ZNF516: variants seen among roughly 807,000 people sequenced by gnomAD.
ZNF516 encodes zinc finger protein 516.
ZNF516 carries 19 observed loss-of-function variants against 79.7 expected under a neutral mutation model. The ratio of observed to expected loss-of-function variants is 0.24; its 90% CI spans 0.17 to 0.35. ZNF516 has a LOEUF of 0.35. Among genes scored for constraint, ZNF516 ranks in the 10% least tolerant of loss-of-function variants. ZNF516 has a pLI of 1.00. For synonymous variants in ZNF516, 877 were observed against 739.5 expected, an observed-to-expected ratio of 1.19 and a Z score of -3.02; for missense variants, 1,678 against 1,679.5, an observed-to-expected ratio of 1.00 and a Z score of 0.02.
chr18:76,416,472 GT>G (rs1376091082), intron 3 of ZNF516, among the ~76,000 whole-genome samples: 1 of 152,238 alleles, frequency 6.6e-6, no homozygotes, highest in Non-Finnish European at 1.5e-5. Flanking sequence ...CAAACTTACT[GT>G]TTGGGGGTTT....
At chr18:76,490,192 C>T (rs1915083263) in intron 1 of ZNF516, 2 of 985,254 alleles carry the variant, frequency 2.0e-6, no homozygotes, top group Admixed American at 1.2e-4. Context: ...GGGGTCACTC[C>T]TGTGAAATTA....
intron 6 of ZNF516, among the ~76,000 whole-genome samples, chr18:76,364,417 C>G (rs2074583757): frequency 6.6e-6 from 1 of 152,196 alleles, no homozygotes. Context: ...TTTGAGCACG[C>G]CCACCATCGC....
intron 1 of ZNF516, among the ~76,000 whole-genome samples, chr18:76,471,305 T>G (rs1913822185): frequency 6.6e-6 from 1 of 151,994 alleles, no homozygotes; most frequent in African/African-American, 2.4e-5. Context: ...CCTTACTTTC[T>G]TCCCGAAAAA....
intron 3 of ZNF516, among the ~76,000 whole-genome samples, chr18:76,429,220 A>C (rs1370114284): frequency 6.6e-6 from 1 of 152,232 alleles, no homozygotes; most frequent in Non-Finnish European, 1.5e-5. Flanking sequence ...GATGGCACCC[A>C]GGGCCAAGGG....
At position 76,443,005 on chromosome 18, in the gene ZNF516, G is replaced by T; in HGVS notation, c.50C>A (p.Pro17His). 1 of 1,601,426 alleles carries T rather than the reference G, an allele frequency of 6.2e-7. No homozygotes were observed. The change falls in exon 3 of 7, where the codon CCC (proline) becomes CAC (histidine). Residue 17 changes from proline (P) to histidine (H), a missense_variant. Physicochemically the swap from Pro to His is moderately conservative, Grantham distance 77. Coordinates refer to ENST00000443185, the MANE Select transcript of ZNF516 (RefSeq NM_014643.4). ...CTCGTGGCCCCGGCCGGCCCTGGTG[G>T]GGCTGGGGCCTCGCCTCAGCTCCAT... ...AEMELRRGPSPTRAGRGHEVD... is the reference protein window; with the variant it reads ...AEMELRRGPSHTRAGRGHEVD...
chr18:76,430,777 T>C (rs1271728679), intron 3 of ZNF516, among the ~76,000 whole-genome samples: 2 of 152,260 alleles, frequency 1.3e-5, no homozygotes, highest in African/African-American at 4.8e-5. Flanking sequence ...AGAAAGAACA[T>C]GAGTAACACT....
intron 4 of ZNF516, among the ~76,000 whole-genome samples, chr18:76,375,149 C>T (rs8089116): frequency 0.03 from 4,501 of 152,306 alleles, 89 homozygotes; most frequent in Non-Finnish European, 0.047. Context: ...GTTCTGTTCA[C>T]CTTTCCAATA....
intron 1 of ZNF516, chr18:76,492,252 T>A: frequency 1.0e-6 from 1 of 985,440 alleles, no homozygotes; most frequent in Non-Finnish European, 1.2e-6. Context: ...TCGGCTCAGG[T>A]CGGGTCCGTA....
At chr18:76,368,186 G>A (rs1010282192) in intron 6 of ZNF516, among the ~76,000 whole-genome samples, 2 of 152,024 alleles carry the variant, frequency 1.3e-5, no homozygotes, top group Non-Finnish European at 2.9e-5. Context: ...TAAACAATGA[G>A]AATTATAGGA....
chr18:76,481,347 G>A (rs1311316654), intron 1 of ZNF516, among the ~76,000 whole-genome samples: 1 of 152,212 alleles, frequency 6.6e-6, no homozygotes, highest in African/African-American at 2.4e-5. Context: ...CAGACAGCCT[G>A]TCCCAACCCC....
At chr18:76,377,457 TC>T (rs1370994667) in intron 4 of ZNF516, among the ~76,000 whole-genome samples, 6 of 152,334 alleles carry the variant, frequency 3.9e-5, no homozygotes, top group Admixed American at 3.9e-4. Context: ...TGGGTGGGCA[TC>T]CCTCATGCCA....
upstream of ZNF516, chr18:76,496,236 G>A: frequency 8.0e-7 from 1 of 1,254,882 alleles, no homozygotes; most frequent in Non-Finnish European, 1.0e-6. Flanking sequence ...TAGACCCGGG[G>A]AGCTGCGGCC....
intron 1 of ZNF516, among the ~76,000 whole-genome samples, chr18:76,486,873 G>A (rs909582020): frequency 6.6e-6 from 1 of 152,036 alleles, no homozygotes; most frequent in African/African-American, 2.4e-5. Context: ...ACCAAGGTTC[G>A]GGGGGAAGGT....
intron 3 of ZNF516, among the ~76,000 whole-genome samples, chr18:76,434,151 C>T (rs1447179215): frequency 2.7e-5 from 4 of 147,540 alleles, no homozygotes; most frequent in African/African-American, 7.3e-5. Context: ...CCCTATCTCA[C>T]GGGAACGGGG....
intron 3 of ZNF516, among the ~76,000 whole-genome samples, chr18:76,433,940 T>C (rs1404964891): frequency 1.3e-5 from 2 of 151,964 alleles, no homozygotes; most frequent in East Asian, 3.9e-4. Flanking sequence ...GCATCACACC[T>C]CTCCTGGCCG....
intron 3 of ZNF516, chr18:76,386,274 T>TGCACAGTTG (rs1372169766): frequency 6.6e-6 from 1 of 152,078 alleles, no homozygotes; most frequent in East Asian, 1.9e-4. Flanking sequence ...AGGTCCCCAC[T>TGCACAGTTG]CTGCACAGTT....
At chr18:76,450,583 G>A (rs1912346432) in intron 2 of ZNF516, among the ~76,000 whole-genome samples, 1 of 152,118 alleles carries the variant, frequency 6.6e-6, no homozygotes, top group South Asian at 2.1e-4. Flanking sequence ...CAGTTGCAAA[G>A]CCTTCTGTGG....
At chr18:76,385,627 C>T (rs2074975608) in intron 3 of ZNF516, 1 of 152,248 alleles carries the variant, frequency 6.6e-6, no homozygotes, top group Admixed American at 6.5e-5. Context: ...CACATTTGTG[C>T]CTCTTTTCTT....
At chr18:76,484,907 T>G (rs1568330796) in intron 1 of ZNF516, among the ~76,000 whole-genome samples, 1 of 152,238 alleles carries the variant, frequency 6.6e-6, no homozygotes. Flanking sequence ...CAGATTCTGC[T>G]TTTCTGTCAC....
Sources: gnomAD v4.1 joint callset for allele counts (sites outside exome capture counted in the v4.1 genomes callset) on GRCh38, gnomAD v4.1.1 for gene constraint, MANE v1.5 for transcripts, NCBI Gene and HGNC (gene_info 2026-07-23, HGNC 2026-07-21) for gene names.